KDM5A: variants seen among roughly 807,000 people sequenced by gnomAD.
The protein encoded by KDM5A is lysine-specific demethylase 5A.
In KDM5A, 42 loss-of-function variants were observed where a neutral mutation model predicts 193.5. The ratio of observed to expected loss-of-function variants is 0.22; its 90% CI spans 0.17 to 0.28. The LOEUF is 0.28. Among genes scored for constraint, KDM5A ranks in the 10% least tolerant of loss-of-function variants. KDM5A has a pLI of 1.00. For missense variants in KDM5A, 1,692 were observed against 2,055.1 expected (o/e 0.82, Z 3.42); for synonymous variants, 796 against 718.1 (o/e 1.11, Z -1.73).
intron 13 of KDM5A, among the ~76,000 whole-genome samples, chr12:329,873 TG>T (rs947170356): frequency 7.9e-5 from 12 of 152,168 alleles, no homozygotes; most frequent in African/African-American, 2.4e-4. Context: ...AAAGGAGTTT[TG>T]TTTGGATTTG....
intron 14 of KDM5A, among the ~76,000 whole-genome samples, chr12:324,804 T>G (rs1424174087): frequency 2.7e-5 from 4 of 148,940 alleles, no homozygotes; most frequent in Non-Finnish European, 3.0e-5. Flanking sequence ...GCCCGGGGGG[T>G]GAAGGTTGCA....
In KDM5A at chr12:323,643, G is replaced by A. The variant is rs1487298780; in HGVS notation, c.2107C>T (p.Pro703Ser). 10 of 1,614,036 alleles carry A rather than the reference G, an allele frequency of 6.2e-6. No individual in the cohort carries two copies. The highest frequency in any genetic ancestry group is 6.8e-6 in the Non-Finnish European group (8 of 1,180,010). Residue 703 changes from proline to serine, a missense_variant, in exon 15 of 28, where the codon CCA becomes TCA. Pro to Ser is a moderately conservative substitution (Grantham distance 74). This residue lies in a region of KDM5A where 88 missense variants were observed against 124.6 expected (regional missense o/e 0.71). Transcript: ENST00000399788. Reference sequence around the variant, plus strand: ...ATGGGGCAGGGGCACAGATCAGTTGGATGGTAGAGACATACAAGCCGCTCA... The same window carrying A: ...ATGGGGCAGGGGCACAGATCAGTTGAATGGTAGAGACATACAAGCCGCTCA... ...NPERLVCLYHPTDLCPCPMQK... is the reference protein window; with the variant it reads ...NPERLVCLYHSTDLCPCPMQK...
At chr12:343,066 G>A (rs61907030) in intron 10 of KDM5A, among the ~76,000 whole-genome samples, 23,780 of 152,160 alleles carry the variant, frequency 0.16, 2,249 homozygotes, top group Non-Finnish European at 0.21. Context: ...AGGCACTCCC[G>A]CCCAAATACT....
At chr12:342,829 A>G (rs2137437094) in intron 10 of KDM5A, among the ~76,000 whole-genome samples, 1 of 151,532 alleles carries the variant, frequency 6.6e-6, no homozygotes, top group East Asian at 2.0e-4. Context: ...CCAAATAGGA[A>G]CAGCTCCGGC....
At chr12:378,687 G>A (rs889723395) in intron 3 of KDM5A, among the ~76,000 whole-genome samples, 17 of 152,154 alleles carry the variant, frequency 1.1e-4, no homozygotes, top group African/African-American at 1.4e-4. Context: ...AGCCAGGCAC[G>A]GTGGCTCACG....
At chr12:331,464 G>A (rs1315644428) in intron 13 of KDM5A, among the ~76,000 whole-genome samples, 2 of 152,056 alleles carry the variant, frequency 1.3e-5, no homozygotes, top group Non-Finnish European at 2.9e-5. Context: ...CTGAGCATCT[G>A]ACCAGAAGGG....
At chr12:299,930 A>G (rs1943421494) in intron 24 of KDM5A, among the ~76,000 whole-genome samples, 1 of 118,126 alleles carries the variant, frequency 8.5e-6, no homozygotes, top group African/African-American at 3.6e-5. Flanking sequence ...ACCAACAAAG[A>G]TCAGAGACAA....
At chr12:376,442 C>G (rs2159364) in intron 3 of KDM5A, among the ~76,000 whole-genome samples, 119,947 of 152,198 alleles carry the variant, frequency 0.79, 47,492 homozygotes, top group African/African-American at 0.85. Context: ...CACAGTGTTA[C>G]GGTGGGAGTG....
intron 2 of KDM5A, 26 bp downstream of exon 2, chr12:385,871 A>T: frequency 6.4e-7 from 1 of 1,574,616 alleles, no homozygotes. Flanking sequence ...TGAATCAGGA[A>T]GCAGAAATAG....
rs772822510 is a variant in KDM5A, at chr12:283,674, G to A, written c.*1782C>T. The A allele has an allele frequency of 4.7e-5, 11 of 233,118 alleles. No individual in the cohort carries two copies. The highest frequency in any genetic ancestry group is 9.3e-5 in the Non-Finnish European group (11 of 117,912). The allele number at this position is 233,118 out of a possible 1,614,324, so 14.4% of individuals were successfully genotyped here. ...AAGAGACTGGGGCAAAAAGGGAAGA[G>A]GAAACTATAAGCTGTTGCTAGGTCC... On this transcript the variant is annotated 3_prime_UTR_variant, in exon 28 of 28. Transcript: ENST00000399788.
At chr12:340,694 C>CAAAAAAAA (rs375465074) in intron 10 of KDM5A, among the ~76,000 whole-genome samples, 8 of 51,090 alleles carry the variant, frequency 1.6e-4, no homozygotes, top group South Asian at 1.0e-3. Context: ...GACTCCATCA[C>CAAAAAAAA]AAAAAAAAAA....
intron 3 of KDM5A, among the ~76,000 whole-genome samples, chr12:372,009 GTA>G (rs1320328384): frequency 6.6e-6 from 1 of 152,176 alleles, no homozygotes; most frequent in South Asian, 2.1e-4. Flanking sequence ...TAGCCTTGTA[GTA>G]TAGTTTGAAG....
rs1278521721 is a variant in KDM5A, at chr12:280,280, T to A, written c.*5176A>T. On this transcript the variant is annotated 3_prime_UTR_variant, in exon 28 of 28. Transcript: ENST00000399788. Reference sequence around the variant, plus strand: ...GAGCTTTAAATGAAAATATTCTGGATCTTCCATTTATTGGTATCAACCACA... The same window carrying A: ...GAGCTTTAAATGAAAATATTCTGGAACTTCCATTTATTGGTATCAACCACA... The A allele has an allele frequency of 8.6e-6, 2 of 232,948 alleles. No individual in the cohort carries two copies. The highest frequency in any genetic ancestry group is 1.1e-4 in the Admixed American group (2 of 17,770). The allele number at this position is 232,948 out of a possible 1,614,324, so 14.4% of individuals were successfully genotyped here.
At chr12:385,270 T>C (rs185568742) in intron 2 of KDM5A, among the ~76,000 whole-genome samples, 124 of 151,892 alleles carry the variant, frequency 8.2e-4, no homozygotes, top group East Asian at 4.6e-3. Flanking sequence ...ATAATAAACC[T>C]TTGCTATCAA....
At chr12:345,693 A>G (rs1944063449) in intron 10 of KDM5A, among the ~76,000 whole-genome samples, 1 of 152,248 alleles carries the variant, frequency 6.6e-6, no homozygotes, top group Non-Finnish European at 1.5e-5. Flanking sequence ...ATGAAGGCAG[A>G]AATAAAGATG....
rs1164898377 is a variant in KDM5A, at chr12:318,227, T to C, written c.2776A>G (p.Ile926Val). 6.2e-7 allele frequency: 1 copy of C among 1,614,188 alleles called. No individual in the cohort carries two copies. Reference sequence around the variant, plus strand: ...GGTGCCAACCCTACCCCAGAGTCTATCAGCTTCTTCATGACATCCAAAGTG... The same window carrying C: ...GGTGCCAACCCTACCCCAGAGTCTACCAGCTTCTTCATGACATCCAAAGTG... The part of the protein sequence containing the change: ...QVTLDVMKKL[I>V]DSGVGLAPHH... Residue 926 changes from isoleucine (I) to valine (V), a missense_variant, in exon 19 of 28, where the codon ATA (isoleucine) becomes GTA (valine). Physicochemically the swap from Ile to Val is conservative, Grantham distance 29 (BLOSUM62 3). Coordinates refer to ENST00000399788, the MANE Select transcript of KDM5A (RefSeq NM_001042603.3).
chr12:329,385 T>C (rs554838960), intron 13 of KDM5A, among the ~76,000 whole-genome samples: 1 of 152,012 alleles, frequency 6.6e-6, no homozygotes, highest in Non-Finnish European at 1.5e-5. Context: ...AAGAAAAATA[T>C]TGTAAAAATA....
At chr12:373,937 C>A (rs1265417896) in intron 3 of KDM5A, among the ~76,000 whole-genome samples, 1 of 152,188 alleles carries the variant, frequency 6.6e-6, no homozygotes, top group Non-Finnish European at 1.5e-5. Context: ...GCACTGTGGT[C>A]TGAGAGACAG....
chr12:379,770 A>G (rs943096162), intron 3 of KDM5A, among the ~76,000 whole-genome samples: 5 of 152,240 alleles, frequency 3.3e-5, no homozygotes, highest in Non-Finnish European at 5.9e-5. Context: ...ACCTTTAATC[A>G]TAACATATTT....
Sources: allele counts gnomAD v4.1 joint callset (sites outside exome capture counted in the v4.1 genomes callset), GRCh38; gene constraint gnomAD v4.1.1; regional missense constraint gnomAD v4.1.1; transcripts MANE v1.5; gene names NCBI Gene and HGNC (gene_info 2026-07-23, HGNC 2026-07-21).